The following HECTD2 variants were observed in gnomAD, a reference collection of about 807,000 sequenced individuals.
The protein encoded by HECTD2 is probable E3 ubiquitin-protein ligase HECTD2.
Under a neutral mutation model 103.2 loss-of-function variants are expected in HECTD2, and 35 were observed. The observed-to-expected ratio is 0.34, with a 90% CI of 0.26 to 0.45. The LOEUF is 0.45. Among genes scored for constraint, HECTD2 ranks in the 20% least tolerant of loss-of-function variants. HECTD2 has a pLI of 1.00. For synonymous variants in HECTD2, 281 were observed against 329.9 expected (o/e 0.85, Z 1.61); for missense variants, 596 against 937.4 (o/e 0.64, Z 4.76).
At chr10:91,456,102 C>A (rs1455301953) in intron 2 of HECTD2, among the ~76,000 whole-genome samples, 9 of 152,118 alleles carry the variant, frequency 5.9e-5, no homozygotes, top group Admixed American at 5.9e-4. Context: ...TTTTCCAATT[C>A]TGTGAAGAAA....
At chr10:91,439,567 C>G (rs559582286) in intron 2 of HECTD2, among the ~76,000 whole-genome samples, 1 of 152,118 alleles carries the variant, frequency 6.6e-6, no homozygotes, top group Non-Finnish European at 1.5e-5. Flanking sequence ...GCTATACAGG[C>G]TCTTTTTGGT....
chr10:91,429,368 G>C (rs1019124282), intron 2 of HECTD2, among the ~76,000 whole-genome samples: 2 of 152,046 alleles, frequency 1.3e-5, no homozygotes, highest in Non-Finnish European at 2.9e-5. Flanking sequence ...GCCCGGCTTT[G>C]GTATCAGGAT....
At chr10:91,460,802 A>C (rs1241574130) in intron 3 of HECTD2, among the ~76,000 whole-genome samples, 1 of 152,184 alleles carries the variant, frequency 6.6e-6, no homozygotes, top group Non-Finnish European at 1.5e-5. Flanking sequence ...TCTGTGAGTC[A>C]AAACAGGCAA....
rs540136993 is a variant in HECTD2, at chr10:91,491,638, AT to A, written c.1299+332del. On this transcript the variant is annotated intron_variant, in intron 12 of 20. Coordinates refer to ENST00000298068, the MANE Select transcript of HECTD2 (RefSeq NM_182765.6). ...TCCAGACCCACCTTTGTTCCTGGTT[AT>A]GTGTGTAACAAGTCATTTAACTTCT... 1.0e-3 allele frequency among the ~76,000 whole-genome samples: 157 copies of A among 152,290 alleles called. 1 individual carries two copies. The highest frequency in any genetic ancestry group is 3.3e-3 in the South Asian group (16 of 4,822).
At chr10:91,464,640 A>T (rs1339796049) in intron 5 of HECTD2, 1 of 157,574 alleles carries the variant, frequency 6.3e-6, no homozygotes. Context: ...AGCCTTGAGT[A>T]TTTCTCTTTA....
rs1847528738 is a variant in HECTD2, at chr10:91,514,213, A to G, written c.*1829A>G. 1 of 152,632 alleles carries G rather than the reference A, an allele frequency of 6.6e-6. No individual in the cohort carries two copies. The allele number at this position is 152,632 out of a possible 1,614,324, so 9.5% of individuals were successfully genotyped here. Reference sequence around the variant, plus strand: ...TTTGGTAGAGATGACTCATGGAAAAATTGTGTTGGCTTGGTCTGCATGTTT... The same window carrying G: ...TTTGGTAGAGATGACTCATGGAAAAGTTGTGTTGGCTTGGTCTGCATGTTT... On this transcript the variant is annotated 3_prime_UTR_variant, in exon 21 of 21. Transcript: ENST00000298068.
chr10:91,419,959 T>A (rs1378070910), intron 1 of HECTD2, among the ~76,000 whole-genome samples: 1 of 152,226 alleles, frequency 6.6e-6, no homozygotes, highest in African/African-American at 2.4e-5. Context: ...ACGTTTAATT[T>A]AGTCTGGAGT....
chr10:91,472,133 A>G (rs898642834), intron 5 of HECTD2, among the ~76,000 whole-genome samples: 2 of 152,202 alleles, frequency 1.3e-5, no homozygotes, highest in Non-Finnish European at 2.9e-5. Context: ...ATGGAACAGA[A>G]TAGAGAGCCT....
At chr10:91,431,755 A>G (rs1416217205) in intron 2 of HECTD2, among the ~76,000 whole-genome samples, 1 of 151,820 alleles carries the variant, frequency 6.6e-6, no homozygotes, top group Non-Finnish European at 1.5e-5. Context: ...ACTTCTGTGT[A>G]TTGCTTATTC....
chr10:91,504,832 C>G (rs1221191577), intron 20 of HECTD2, among the ~76,000 whole-genome samples: 11 of 151,922 alleles, frequency 7.2e-5, no homozygotes, highest in South Asian at 4.2e-4. Flanking sequence ...TTGTCAGATT[C>G]ACCAAAGTTG....
At chr10:91,452,897 G>A (rs1844898174) in intron 2 of HECTD2, among the ~76,000 whole-genome samples, 1 of 151,966 alleles carries the variant, frequency 6.6e-6, no homozygotes, top group South Asian at 2.1e-4. Flanking sequence ...TTCAGATGAA[G>A]AAAAACTAAG....
At chr10:91,414,687 G>GA (rs1843049846) in intron 1 of HECTD2, among the ~76,000 whole-genome samples, 1 of 152,176 alleles carries the variant, frequency 6.6e-6, no homozygotes, top group African/African-American at 2.4e-5. Context: ...GCTGGCCATT[G>GA]AAAAATGATA....
intron 1 of HECTD2, among the ~76,000 whole-genome samples, chr10:91,424,199 T>G (rs1187959825): frequency 6.6e-6 from 1 of 152,114 alleles, no homozygotes; most frequent in Non-Finnish European, 1.5e-5. Flanking sequence ...CTTAAATGCA[T>G]TGGTACTTTC....
At chr10:91,438,236 C>T (rs1257907036) in intron 2 of HECTD2, among the ~76,000 whole-genome samples, 2 of 152,120 alleles carry the variant, frequency 1.3e-5, no homozygotes, top group Non-Finnish European at 2.9e-5. Context: ...TTCCCTAGTC[C>T]CCCACTCACT....
intron 1 of HECTD2, among the ~76,000 whole-genome samples, chr10:91,423,382 C>T (rs1359667143): frequency 2.0e-5 from 3 of 152,112 alleles, no homozygotes; most frequent in Admixed American, 6.6e-5. Flanking sequence ...AGGTGTATAA[C>T]AAGTACTCAA....
chr10:91,468,055 A>G (rs1845593948), intron 5 of HECTD2, among the ~76,000 whole-genome samples: 1 of 152,200 alleles, frequency 6.6e-6, no homozygotes, highest in African/African-American at 2.4e-5. Flanking sequence ...ATGTGTGTGC[A>G]TCCCATCACA....
intron 2 of HECTD2, among the ~76,000 whole-genome samples, chr10:91,427,300 G>A (rs1393014131): frequency 4.6e-5 from 7 of 151,894 alleles, no homozygotes; most frequent in East Asian, 1.9e-4. Context: ...GAATAGTGCC[G>A]CAGTAAACAT....
chr10:91,493,517 T>A lies in HECTD2; in HGVS notation c.1521+9T>A. The A allele has an allele frequency of 7.0e-7, 1 of 1,438,172 alleles. No homozygotes were observed. The highest frequency in any genetic ancestry group is 9.5e-7 in the Non-Finnish European group (1 of 1,054,712). The allele number at this position is 1,438,172 out of a possible 1,614,324, so 89.1% of individuals were successfully genotyped here. On this transcript the variant is annotated intron_variant, in intron 14 of 20. Transcript: ENST00000298068. ...TCCGATTGGTTGGAATTGTATCCTT[T>A]AAACTTTCCACTAGGAGGTGCTAAT...
At chr10:91,462,406 A>G in intron 5 of HECTD2, 2 of 1,210,126 alleles carry the variant, frequency 1.7e-6, no homozygotes, top group Non-Finnish European at 2.1e-6. Context: ...CCTTTTTTAG[A>G]AAGACTTGCT....
Sources: allele counts gnomAD v4.1 joint callset (sites outside exome capture counted in the v4.1 genomes callset), GRCh38; gene constraint gnomAD v4.1.1; transcripts MANE v1.5; gene names NCBI Gene and HGNC (gene_info 2026-07-23, HGNC 2026-07-21).